The following SAXO1 variants were observed in gnomAD, a reference collection of about 807,000 sequenced individuals.
The protein encoded by SAXO1 is stabilizer of axonemal microtubules 1.
A neutral mutation model predicts 17.5 loss-of-function variants in SAXO1; 21 were observed. The ratio of observed to expected loss-of-function variants is 1.20; its 90% confidence interval spans 0.85 to 1.72. SAXO1 has a LOEUF of 1.72. Ranked by LOEUF, SAXO1 falls within the 40% of genes most tolerant of loss-of-function variation. SAXO1 has a pLI of 0.00. For missense variants in SAXO1, 843 were observed against 596.0 expected (o/e 1.41, Z -4.32); for synonymous variants, 274 against 216.5 (o/e 1.27, Z -2.33).
intron 2 of SAXO1, among the ~76,000 whole-genome samples, chr9:18,945,652 T>G (rs1262577131): frequency 6.6e-6 from 1 of 152,192 alleles, no homozygotes; most frequent in Non-Finnish European, 1.5e-5. Flanking sequence ...TCCAAGCCCA[T>G]GCACTCCAGA....
At chr9:18,961,192 G>T (rs1398285100) in intron 1 of SAXO1, among the ~76,000 whole-genome samples, 1 of 151,608 alleles carries the variant, frequency 6.6e-6, no homozygotes, top group Non-Finnish European at 1.5e-5. Flanking sequence ...GGAGGTGGGG[G>T]TTCTCGCTCT....
intron 2 of SAXO1, among the ~76,000 whole-genome samples, chr9:18,945,431 T>C (rs1384913729): frequency 1.3e-5 from 2 of 152,238 alleles, no homozygotes; most frequent in African/African-American, 2.4e-5. Context: ...TCAGTTGATT[T>C]GATTGACTTT....
At chr9:18,974,267 C>T (rs529118588) in intron 1 of SAXO1, among the ~76,000 whole-genome samples, 7 of 152,286 alleles carry the variant, frequency 4.6e-5, no homozygotes, top group South Asian at 2.1e-4. Flanking sequence ...AGTGTTGGAA[C>T]GGAATTGGAA....
chr9:19,005,707 A>G (rs146952653), intron 1 of SAXO1, among the ~76,000 whole-genome samples: 3 of 152,338 alleles, frequency 2.0e-5, no homozygotes, highest in East Asian at 1.9e-4. Flanking sequence ...AAATCATGAC[A>G]TTGGATTTGG....
chr9:18,941,222 A>C (rs1831540876), intron 3 of SAXO1, among the ~76,000 whole-genome samples: 2 of 152,206 alleles, frequency 1.3e-5, no homozygotes, highest in Admixed American at 1.3e-4. Context: ...GGGTTGGCAG[A>C]TATTTTGTAT....
intron 1 of SAXO1, chr9:19,027,475 T>A: frequency 1.3e-6 from 1 of 793,796 alleles, no homozygotes; most frequent in Non-Finnish European, 2.3e-6. Context: ...CAAGGAGAAG[T>A]TTGAGAACTT....
chr9:18,946,476 G>C (rs555834397), intron 2 of SAXO1, among the ~76,000 whole-genome samples: 55 of 151,894 alleles, frequency 3.6e-4, no homozygotes, highest in African/African-American at 1.3e-3. Context: ...AGTGAGATTT[G>C]AGCGGCCACC....
chr9:19,024,172 C>A (rs959899638), intron 1 of SAXO1, among the ~76,000 whole-genome samples: 1 of 151,710 alleles, frequency 6.6e-6, no homozygotes, highest in African/African-American at 2.4e-5. Context: ...GCTTCCGGCA[C>A]GATCTCCTGC....
intron 1 of SAXO1, chr9:19,027,228 C>A: frequency 1.7e-6 from 2 of 1,157,520 alleles, no homozygotes; most frequent in Non-Finnish European, 2.6e-6. Context: ...AACCTCTACA[C>A]GACAGACATA....
Position 19,016,090 on chromosome 9 carries a change from G to C in SAXO1, c.38+16781C>G, listed in dbSNP as rs933886863. Among the ~76,000 whole-genome samples the C allele has an allele frequency of 2.6e-5, 4 of 152,190 alleles. No individual in the cohort carries two copies. In the South Asian group the frequency reaches 6.2e-4, roughly 24 times the overall value. On this transcript the variant is annotated intron_variant, in intron 1 of 3. Coordinates refer to ENST00000380534, the MANE Select transcript of SAXO1 (RefSeq NM_153707.4). ...GAGAAAAGCTTTGTCCCTCTCCAAG[G>C]ACAATAATATAAGATCCATTCCTGT...
chr9:19,027,739 G>A, intron 1 of SAXO1: 2 of 1,455,376 alleles, frequency 1.4e-6, no homozygotes, highest in South Asian at 1.2e-5. Context: ...AGAAGTCCGG[G>A]GACCGAGAGG....
chr9:18,950,711 C>T (rs370404136), intron 2 of SAXO1, 47 bp downstream of exon 2: 25 of 1,529,034 alleles, frequency 1.6e-5, no homozygotes, highest in Non-Finnish European at 2.0e-5. Flanking sequence ...CATGTTACTC[C>T]ATTAGTGTTG....
At chr9:19,014,026 A>G (rs1273601691) in intron 1 of SAXO1, among the ~76,000 whole-genome samples, 1 of 152,194 alleles carries the variant, frequency 6.6e-6, no homozygotes, top group Non-Finnish European at 1.5e-5. Context: ...GTTAGTATAC[A>G]GAGAGTTAAA....
chr9:18,999,327 G>A (rs544019264), intron 1 of SAXO1, among the ~76,000 whole-genome samples: 1 of 152,100 alleles, frequency 6.6e-6, no homozygotes, highest in South Asian at 2.1e-4. Context: ...GCCTCTGCCT[G>A]GCCACTGCCC....
upstream of SAXO1, among the ~76,000 whole-genome samples, chr9:19,035,494 T>C (rs548001383): frequency 2.6e-3 from 394 of 152,268 alleles, 6 homozygotes; most frequent in South Asian, 0.031. Context: ...TACAGTAAAT[T>C]GGTACCAGCA....
chr9:19,036,685 A>G (rs1835949442), upstream of SAXO1, among the ~76,000 whole-genome samples: 1 of 152,164 alleles, frequency 6.6e-6, no homozygotes, highest in Non-Finnish European at 1.5e-5. Flanking sequence ...TAGATTTCAG[A>G]GGATATATGG....
At chr9:18,957,488 C>A (rs1338077721) in intron 1 of SAXO1, among the ~76,000 whole-genome samples, 1 of 152,140 alleles carries the variant, frequency 6.6e-6, no homozygotes, top group Non-Finnish European at 1.5e-5. Context: ...AATTTCAAAC[C>A]CAAAGTTCAG....
chr9:19,030,207 G>A (rs1835694191), intron 1 of SAXO1, among the ~76,000 whole-genome samples: 1 of 152,026 alleles, frequency 6.6e-6, no homozygotes, highest in Non-Finnish European at 1.5e-5. Context: ...ACATCAGCAG[G>A]TCCACTCAGG....
At position 19,005,636 on chromosome 9, in the gene SAXO1, G is replaced by C. The variant is rs1027448555; in HGVS notation, c.38+27235C>G. ...CACATACAAAAACTAACTCAAAATG[G>C]ATCAAAGACCTAAGCATAAGAACTA... On this transcript the variant is annotated intron_variant, in intron 1 of 3. Transcript: ENST00000380534. 1.3e-5 allele frequency among the ~76,000 whole-genome samples: 2 copies of C among 152,120 alleles called. 1 individual carries two copies. Among genetic ancestry groups the C allele is most frequent in the African/African-American group, 4.8e-5 (2 of 41,428 alleles).
Sources: gnomAD v4.1 joint callset for allele counts (sites outside exome capture counted in the v4.1 genomes callset) on GRCh38, gnomAD v4.1.1 for gene constraint, MANE v1.5 for transcripts, NCBI Gene and HGNC (gene_info 2026-07-23, HGNC 2026-07-21) for gene names.